Variants in PPP6R3 observed in about 807,000 individuals in gnomAD.
PPP6R3 encodes protein phosphatase 6 regulatory subunit 3, also known as serine/threonine-protein phosphatase 6 regulatory subunit 3.
Under a neutral mutation model 110.7 loss-of-function variants are expected in PPP6R3, and 38 were observed. That is an observed-to-expected ratio of 0.34 (90% CI 0.26 to 0.45). The LOEUF (loss-of-function observed/expected upper bound fraction) is 0.45, where lower values mean the gene tolerates loss of function less well. Among genes scored for constraint, PPP6R3 ranks in the 20% least tolerant of loss-of-function variants. The probability of loss-of-function intolerance (pLI) is 1.00; values close to 1 mark genes in which losing one functional copy is unlikely to be tolerated. For synonymous variants in PPP6R3, 369 were observed against 373.5 expected (o/e 0.99, Z 0.14); for missense variants, 870 against 1,062.4 (o/e 0.82, Z 2.52).
chr11:68,570,297 A>G (rs1002542161), intron 11 of PPP6R3, among the ~76,000 whole-genome samples: 5 of 152,222 alleles, frequency 3.3e-5, no homozygotes, highest in African/African-American at 1.2e-4. Flanking sequence ...GTTCTTTGTG[A>G]TGTTGAGAGT....
chr11:68,584,273 A>T (rs1477096353), intron 15 of PPP6R3, among the ~76,000 whole-genome samples: 1 of 152,156 alleles, frequency 6.6e-6, no homozygotes, highest in African/African-American at 2.4e-5. Context: ...GCGGTGGCCC[A>T]CCATGGCTCA....
intron 18 of PPP6R3, among the ~76,000 whole-genome samples, chr11:68,595,277 G>A (rs557930044): frequency 5.6e-4 from 77 of 137,224 alleles, no homozygotes; most frequent in African/African-American, 1.9e-3. Context: ...GTGCAGTGGC[G>A]TGATCTCAGC....
intron 7 of PPP6R3, 194 bp from the exon 8 acceptor site, chr11:68,558,372 G>A (rs1366179769): frequency 1.0e-5 from 4 of 396,064 alleles, no homozygotes; most frequent in Non-Finnish European, 1.8e-5. Context: ...GTGTGTTTGT[G>A]TGCGGGTGCA....
At chr11:68,565,108 T>C (rs936499094) in intron 9 of PPP6R3, among the ~76,000 whole-genome samples, 11 of 152,054 alleles carry the variant, frequency 7.2e-5, no homozygotes, top group African/African-American at 2.7e-4. Context: ...TTTCCTGCCC[T>C]ATATCATTGA....
At chr11:68,557,712 G>A (rs1212417171) in intron 7 of PPP6R3, among the ~76,000 whole-genome samples, 1 of 152,108 alleles carries the variant, frequency 6.6e-6, no homozygotes, top group South Asian at 2.1e-4. Flanking sequence ...TAGAAATGGG[G>A]TTTCACCATG....
At chr11:68,567,298 G>T in intron 10 of PPP6R3, 132 bp downstream of exon 10, 2 of 1,021,872 alleles carry the variant, frequency 2.0e-6, no homozygotes, top group Non-Finnish European at 2.7e-6. Flanking sequence ...GGTGTTTTAT[G>T]TAGTTTTTGC....
At chr11:68,562,436 A>T (rs899143233) in intron 8 of PPP6R3, among the ~76,000 whole-genome samples, 1 of 152,220 alleles carries the variant, frequency 6.6e-6, no homozygotes, top group Admixed American at 6.5e-5. Flanking sequence ...AAATCAAGTG[A>T]ATTCTAAAAC....
At chr11:68,603,671 C>A (rs1283766208) in intron 22 of PPP6R3, 179 bp downstream of exon 22, 1 of 722,560 alleles carries the variant, frequency 1.4e-6, no homozygotes, top group Non-Finnish European at 2.2e-6. Context: ...GAGTTTAGGC[C>A]CCTAAGTGCC....
rs989138695 is a variant in PPP6R3, at chr11:68,519,520, A to G, written c.-138A>G. The G allele has an allele frequency of 3.3e-5, 13 of 398,280 alleles. No homozygotes were observed. The South Asian group carries it at 5.1e-4, about 16-fold the overall frequency. The allele number at this position is 398,280 out of a possible 1,614,324, so 24.7% of individuals were successfully genotyped here. On this transcript the variant is annotated 5_prime_UTR_variant, in exon 2 of 24. Coordinates refer to ENST00000393800, the MANE Select transcript of PPP6R3 (RefSeq NM_001164161.2). ...TTACAGGAGAGCTTGTTTCATATCC[A>G]TATCCCACTGTATTCCTGCTAATCT...
chr11:68,510,054 C>CTTTTT (rs372113258), intron 1 of PPP6R3, among the ~76,000 whole-genome samples: 17 of 76,966 alleles, frequency 2.2e-4, no homozygotes, highest in Non-Finnish European at 2.9e-4. Flanking sequence ...TGTGCTCGGC[C>CTTTTT]TTTTTTTTTT....
At chr11:68,473,558 G>T (rs981739647) in intron 1 of PPP6R3, among the ~76,000 whole-genome samples, 1 of 152,190 alleles carries the variant, frequency 6.6e-6, no homozygotes, top group Non-Finnish European at 1.5e-5. Flanking sequence ...TAGCTGTTGC[G>T]GGGGAAGCAC....
At chr11:68,463,429 T>G (rs534307000) in intron 1 of PPP6R3, among the ~76,000 whole-genome samples, 2 of 149,218 alleles carry the variant, frequency 1.3e-5, no homozygotes, top group African/African-American at 4.9e-5. Context: ...CAAATAAACA[T>G]CTCTTTAAAA....
intron 1 of PPP6R3, among the ~76,000 whole-genome samples, chr11:68,501,648 C>T (rs535018156): frequency 6.6e-6 from 1 of 152,294 alleles, no homozygotes; most frequent in African/African-American, 2.4e-5. Context: ...TCTTAAAATG[C>T]GTGTGTATCC....
At chr11:68,531,509 C>G (rs924111326) in intron 2 of PPP6R3, among the ~76,000 whole-genome samples, 1 of 151,974 alleles carries the variant, frequency 6.6e-6, no homozygotes, top group Admixed American at 6.6e-5. Flanking sequence ...CCAGGCTGGT[C>G]TCAAACTCCT....
At chr11:68,471,311 TAGG>T (rs1429372729) in intron 1 of PPP6R3, among the ~76,000 whole-genome samples, 1 of 141,998 alleles carries the variant, frequency 7.0e-6, no homozygotes, top group Non-Finnish European at 1.5e-5. Flanking sequence ...GAAAAAGAAA[TAGG>T]AGTCTTCAAT....
At position 68,464,693 on chromosome 11, in the gene PPP6R3, C is replaced by T. The variant is rs557328684; in HGVS notation, c.-158+3866C>T. 1.4e-4 allele frequency among the ~76,000 whole-genome samples: 21 copies of T among 152,174 alleles called. No homozygotes were observed. The East Asian group carries it at 4.0e-3, about 29-fold the overall frequency. On this transcript the variant is annotated intron_variant, in intron 1 of 23. Transcript: ENST00000393800. ...TTTGTTAATTGATTTTATAAAATAT[C>T]TTAGGACTTTTTTTTCTTAACCTCA...
At chr11:68,573,781 T>G (rs1016408523) in intron 12 of PPP6R3, among the ~76,000 whole-genome samples, 1 of 152,208 alleles carries the variant, frequency 6.6e-6, no homozygotes, top group Non-Finnish European at 1.5e-5. Flanking sequence ...ACAATAACAT[T>G]AGGCATCAGA....
At chr11:68,605,448 T>G (rs80315150) in intron 22 of PPP6R3, among the ~76,000 whole-genome samples, 2,071 of 152,192 alleles carry the variant, frequency 0.014, 56 homozygotes, top group African/African-American at 0.047. Flanking sequence ...GAGGAAAGAG[T>G]GGACTAGTAA....
At chr11:68,609,556 G>A in intron 22 of PPP6R3, 1 of 1,538,586 alleles carries the variant, frequency 6.5e-7, no homozygotes, top group Non-Finnish European at 8.8e-7. Context: ...TCATTTCTAG[G>A]AGTATTCTGA....
Sources: allele counts gnomAD v4.1 joint callset (sites outside exome capture counted in the v4.1 genomes callset), GRCh38; gene constraint gnomAD v4.1.1; transcripts MANE v1.5; gene names NCBI Gene and HGNC (gene_info 2026-07-23, HGNC 2026-07-21).